CDH7: variants seen among roughly 807,000 people sequenced by gnomAD.
CDH7 encodes cadherin 7, also known as cadherin-7.
CDH7 carries 25 observed loss-of-function variants against 71.8 expected under a neutral mutation model. That is an observed-to-expected ratio of 0.35 (90% CI 0.25 to 0.49). The LOEUF (loss-of-function observed/expected upper bound fraction) is 0.49. Ranked by LOEUF, CDH7 falls within the 20% of genes least tolerant of loss-of-function variation. The pLI is 0.99. For synonymous variants in CDH7, 381 were observed against 363.8 expected, an observed-to-expected ratio of 1.05 and a Z score of -0.54; for missense variants, 862 against 974.6, an observed-to-expected ratio of 0.88 and a Z score of 1.54.
At chr18:65,862,501 T>C (rs2144037662) in intron 10 of CDH7, among the ~76,000 whole-genome samples, 165 bp from the exon 11 acceptor site, 1 of 152,328 alleles carries the variant, frequency 6.6e-6, no homozygotes, top group African/African-American at 2.4e-5. Flanking sequence ...AAACTGGAAA[T>C]GTCCCTCTGT....
chr18:65,825,483 C>T (rs998301929), intron 6 of CDH7, among the ~76,000 whole-genome samples: 6 of 151,792 alleles, frequency 4.0e-5, no homozygotes, highest in Non-Finnish European at 8.9e-5. Flanking sequence ...ACTCTTTACT[C>T]TCTTTTCAAT....
At chr18:65,755,997 A>G (rs1434267553) in intron 1 of CDH7, among the ~76,000 whole-genome samples, 2 of 152,158 alleles carry the variant, frequency 1.3e-5, no homozygotes, top group African/African-American at 4.8e-5. Context: ...AAACAAAAAC[A>G]AAAAACAAAA....
At chr18:65,871,636 C>T (rs1363984982) in intron 11 of CDH7, among the ~76,000 whole-genome samples, 1 of 152,018 alleles carries the variant, frequency 6.6e-6, no homozygotes, top group Non-Finnish European at 1.5e-5. Flanking sequence ...TATTTTCCTA[C>T]TTGAGAAAAG....
At chr18:65,876,229 A>C (rs1223667877) in intron 11 of CDH7, among the ~76,000 whole-genome samples, 2 of 152,164 alleles carry the variant, frequency 1.3e-5, no homozygotes, top group Admixed American at 1.3e-4. Context: ...TACCTGCTAG[A>C]ATGCTCAGAA....
chr18:65,809,836 C>G lies in CDH7; in HGVS notation c.343C>G (p.Gln115Glu). ...HATKRLDREE[Q>E]AYYTLRAQAL... ...CACCAAGAGACTGGATCGTGAGGAG[C>G]AGGCCTACTACACGCTCCGAGCTCA... The change falls in exon 3 of 12, where the codon CAG becomes GAG. Residue 115 changes from glutamine to glutamate, a missense_variant. By Grantham distance (29) the Gln-to-Glu change is conservative. Coordinates refer to ENST00000397968, the MANE Select transcript of CDH7 (RefSeq NM_004361.5). The G allele has an allele frequency of 5.0e-6, 8 of 1,613,828 alleles. No homozygotes were observed. Among genetic ancestry groups the G allele is most frequent in the African/African-American group, 2.7e-5 (2 of 74,910 alleles).
Position 65,882,453 on chromosome 18 carries a change from A to C in CDH7, c.*1559A>C, listed in dbSNP as rs1914258109. On this transcript the variant is annotated 3_prime_UTR_variant, in exon 12 of 12. Transcript: ENST00000397968. Reference sequence around the variant, plus strand: ...ACAGATAGTAAACACTGTGTAGAGAATCATGTTCTAAAAGTGCTTTTTGAA... The same window carrying C: ...ACAGATAGTAAACACTGTGTAGAGACTCATGTTCTAAAAGTGCTTTTTGAA... 1 of 152,096 alleles carries C rather than the reference A, an allele frequency of 6.6e-6. No individual in the cohort carries two copies. Among genetic ancestry groups the C allele is most frequent in the African/African-American group, 2.4e-5 (1 of 41,416 alleles). The allele number at this position is 152,096 out of a possible 1,614,324, so 9.4% of individuals were successfully genotyped here.
intron 7 of CDH7, among the ~76,000 whole-genome samples, chr18:65,853,906 C>CATATGTATAT (rs1913235866): frequency 5.8e-5 from 2 of 34,210 alleles, no homozygotes; most frequent in Non-Finnish European, 1.1e-4. Flanking sequence ...CATAAATTAC[C>CATATGTATAT]ATATATATAT....
chr18:65,869,332 C>A (rs894654572), intron 11 of CDH7, among the ~76,000 whole-genome samples: 6 of 151,722 alleles, frequency 4.0e-5, no homozygotes, highest in Non-Finnish European at 8.8e-5. Context: ...TTTGAAACAC[C>A]GCAGCTTAAA....
intron 1 of CDH7, among the ~76,000 whole-genome samples, chr18:65,756,253 G>A (rs1471927473): frequency 1.3e-5 from 2 of 152,142 alleles, no homozygotes; most frequent in African/African-American, 4.8e-5. Context: ...TTCCAACTGT[G>A]ATGTCTTGTA....
intron 6 of CDH7, among the ~76,000 whole-genome samples, chr18:65,826,933 T>A (rs1348825590): frequency 1.3e-5 from 2 of 151,616 alleles, no homozygotes; most frequent in African/African-American, 4.8e-5. Flanking sequence ...AACGTAATAT[T>A]CTATTTAATA....
chr18:65,878,787 G>A (rs762581885), intron 11 of CDH7, among the ~76,000 whole-genome samples: 1 of 152,152 alleles, frequency 6.6e-6, no homozygotes, highest in South Asian at 2.1e-4. Flanking sequence ...AAGAAAGAGA[G>A]CAGGGATATC....
At chr18:65,822,336 C>T (rs2143937937) in intron 5 of CDH7, 88 bp downstream of exon 5, 1 of 998,374 alleles carries the variant, frequency 1.0e-6, no homozygotes, top group Non-Finnish European at 1.5e-6. Context: ...TTTTCAAATA[C>T]TTCTAAAGCA....
At chr18:65,863,433 C>A (rs2144040108) in intron 11 of CDH7, 2 of 161,458 alleles carry the variant, frequency 1.2e-5, no homozygotes, top group East Asian at 1.8e-4. Flanking sequence ...GTATCAATTT[C>A]ATTTTCAAAG....
chr18:65,875,865 G>T (rs1914058817), intron 11 of CDH7, among the ~76,000 whole-genome samples: 1 of 152,088 alleles, frequency 6.6e-6, no homozygotes, highest in Non-Finnish European at 1.5e-5. Context: ...AGAGGTCGAG[G>T]ATACAGTGAG....
intron 6 of CDH7, among the ~76,000 whole-genome samples, chr18:65,838,599 C>T (rs1912617064): frequency 6.6e-6 from 1 of 152,104 alleles, no homozygotes; most frequent in South Asian, 2.1e-4. Flanking sequence ...GAAACATTAA[C>T]AACATTGTTG....
intron 4 of CDH7, among the ~76,000 whole-genome samples, chr18:65,819,623 A>C (rs573626994): frequency 1.5e-4 from 23 of 152,268 alleles, no homozygotes; most frequent in Admixed American, 7.8e-4. Context: ...GAGAGTGAGG[A>C]TCGTGAAGGG....
intron 2 of CDH7, among the ~76,000 whole-genome samples, chr18:65,778,529 C>CTTTTTTTTTTTTTT (rs1156727313): frequency 0.022 from 1,857 of 83,820 alleles, 187 homozygotes; most frequent in African/African-American, 0.053. Flanking sequence ...GCGTCTCACT[C>CTTTTTTTTTTTTTT]TTTTTTTTTT....
intron 3 of CDH7, 64 bp downstream of exon 3, chr18:65,810,062 T>A: frequency 7.3e-7 from 1 of 1,362,306 alleles, no homozygotes; most frequent in Non-Finnish European, 1.0e-6. Flanking sequence ...TATTTAAAAT[T>A]AAATCATCAT....
At chr18:65,873,697 C>G (rs1424265630) in intron 11 of CDH7, among the ~76,000 whole-genome samples, 1 of 152,096 alleles carries the variant, frequency 6.6e-6, no homozygotes, top group Admixed American at 6.6e-5. Flanking sequence ...ATTTAAACGA[C>G]TATTTTATGG....
Sources: allele counts gnomAD v4.1 joint callset (sites outside exome capture counted in the v4.1 genomes callset), GRCh38; gene constraint gnomAD v4.1.1; transcripts MANE v1.5; gene names NCBI Gene and HGNC (gene_info 2026-07-23, HGNC 2026-07-21).